The following MECR variants were observed in gnomAD, a reference collection of about 807,000 sequenced individuals.
MECR encodes the protein mitochondrial trans-2-enoyl-CoA reductase, also known as enoyl-[acyl-carrier-protein] reductase, mitochondrial.
A neutral mutation model predicts 49.1 loss-of-function variants in MECR; 37 were observed. The observed-to-expected ratio is 0.75, with a 90% CI of 0.58 to 0.99. MECR has a LOEUF of 0.99. Among genes scored for constraint, MECR ranks in the 50% least tolerant of loss-of-function variants. The pLI is 0.00. For missense variants in MECR, 470 were observed against 479.6 expected, an observed-to-expected ratio of 0.98 and a Z score of 0.19; for synonymous variants, 198 against 191.1, an observed-to-expected ratio of 1.04 and a Z score of -0.30.
At chr1:29,178,376 C>T in the MECR span, among the ~76,000 whole-genome samples, 6 of 63,716 alleles carry the variant, frequency 9.4e-5, no homozygotes, top group Admixed American at 3.3e-4. Context: ...GACAGAGTCT[C>T]GCTGTCGCCC....
At chr1:29,186,990 C>A in the MECR span, among the ~76,000 whole-genome samples, 2 of 152,184 alleles carry the variant, frequency 1.3e-5, no homozygotes, top group Non-Finnish European at 2.9e-5. Flanking sequence ...TTCCACTTAC[C>A]TTTCAGCTAG....
At chr1:29,207,801 C>T (rs6690526) in intron 3 of MECR, among the ~76,000 whole-genome samples, 17,463 of 151,972 alleles carry the variant, frequency 0.11, 1,363 homozygotes, top group East Asian at 0.41. Flanking sequence ...ATTGTAAGGG[C>T]GATTCAGAGA....
At chr1:29,176,037 G>C in the MECR span, among the ~76,000 whole-genome samples, 1 of 152,124 alleles carries the variant, frequency 6.6e-6, no homozygotes, top group Non-Finnish European at 1.5e-5. Flanking sequence ...TGGATCATGA[G>C]GTCAGGAGAT....
At chr1:29,195,798 T>C in intron 9 of MECR, 143 bp downstream of exon 9, 1 of 821,598 alleles carries the variant, frequency 1.2e-6, no homozygotes, top group Non-Finnish European at 2.0e-6. Context: ...TGACTGTAGC[T>C]GGACTAAGGC....
chr1:29,174,913 C>T, the MECR span, among the ~76,000 whole-genome samples: 2 of 150,796 alleles, frequency 1.3e-5, no homozygotes, highest in African/African-American at 4.9e-5. Flanking sequence ...ACCTTGTGAT[C>T]TGCCAGCCTT....
chr1:29,168,028 T>A, the MECR span, among the ~76,000 whole-genome samples: 27 of 135,424 alleles, frequency 2.0e-4, no homozygotes, highest in African/African-American at 5.1e-4. Flanking sequence ...TTTTTTTTTT[T>A]TAAAAAAAAC....
the MECR span, among the ~76,000 whole-genome samples, chr1:29,183,924 G>A: frequency 6.8e-6 from 1 of 147,046 alleles, no homozygotes; most frequent in Non-Finnish European, 1.5e-5. Context: ...CTGTCGCCCA[G>A]GCTGCAGTGC....
At chr1:29,185,166 C>G in the MECR span, among the ~76,000 whole-genome samples, 1 of 152,198 alleles carries the variant, frequency 6.6e-6, no homozygotes, top group Non-Finnish European at 1.5e-5. Flanking sequence ...AAGCAATCCT[C>G]CCTTCTGGAC....
intron 3 of MECR, among the ~76,000 whole-genome samples, chr1:29,209,147 C>T (rs1677325183): frequency 6.6e-6 from 1 of 152,210 alleles, no homozygotes; most frequent in Non-Finnish European, 1.5e-5. Context: ...CCATGAGTTC[C>T]ACTGTGAATT....
intron 3 of MECR, among the ~76,000 whole-genome samples, chr1:29,215,743 C>T (rs1259175695): frequency 6.6e-6 from 1 of 151,672 alleles, no homozygotes; most frequent in Non-Finnish European, 1.5e-5. Flanking sequence ...TGGTGGTAGG[C>T]GCCTGTAATC....
the MECR span, chr1:29,169,350 G>C: frequency 6.6e-6 from 1 of 152,226 alleles, no homozygotes; most frequent in African/African-American, 2.4e-5. Flanking sequence ...CAGAGTTGGA[G>C]AAACACAAGC....
chr1:29,230,817 G>C lies in MECR; in HGVS notation c.90C>G (p.Ala30=), dbSNP rs776706471. The C allele has an allele frequency of 6.2e-7, 1 of 1,608,358 alleles. No individual in the cohort carries two copies. The highest frequency in any genetic ancestry group is 8.5e-7 in the Non-Finnish European group (1 of 1,178,548). ...LLPASGCHGP[A]ASSYSASAEP... ...CGGCGGATGCGGAGTAGGAGGAGGC[G>C]GCAGGTCCGTGACAGCCAGAAGCTG... is the stretch of plus-strand genomic sequence containing the variant. The change falls in exon 1 of 10, where the codon GCC becomes GCG. Residue 30 remains alanine, a synonymous_variant. Coordinates refer to ENST00000263702, the MANE Select transcript of MECR (RefSeq NM_016011.5).
chr1:29,173,455 T>G, the MECR span: 3 of 129,570 alleles, frequency 2.3e-5, no homozygotes, highest in African/African-American at 8.7e-5. Context: ...AAAAAGTTGT[T>G]TTTTTTTTTT....
chr1:29,220,315 T>C (rs1055240905), intron 1 of MECR, among the ~76,000 whole-genome samples: 1 of 151,700 alleles, frequency 6.6e-6, no homozygotes, highest in African/African-American at 2.4e-5. Flanking sequence ...GCAGGAGAAC[T>C]GCTTGAACCT....
At chr1:29,171,037 A>T in the MECR span, 2 of 152,154 alleles carry the variant, frequency 1.3e-5, no homozygotes, top group African/African-American at 4.8e-5. Flanking sequence ...TTCAGAGCAT[A>T]ATCTAATCCC....
intron 1 of MECR, chr1:29,220,900 G>T: frequency 6.1e-6 from 6 of 985,216 alleles, no homozygotes; most frequent in Non-Finnish European, 7.2e-6. Context: ...GAAACCTCTG[G>T]AACAATTCCC....
chr1:29,220,302 G>A (rs1680469923), intron 1 of MECR, among the ~76,000 whole-genome samples: 1 of 152,060 alleles, frequency 6.6e-6, no homozygotes. Flanking sequence ...CTGGGAGGCT[G>A]AGGCAGGAGA....
chr1:29,186,535 G>A, the MECR span, among the ~76,000 whole-genome samples: 2 of 152,128 alleles, frequency 1.3e-5, no homozygotes, highest in Non-Finnish European at 2.9e-5. Context: ...TCTATCCCTA[G>A]CCCCTAACAA....
the MECR span, among the ~76,000 whole-genome samples, chr1:29,180,316 T>C: frequency 6.6e-6 from 1 of 152,220 alleles, no homozygotes; most frequent in African/African-American, 2.4e-5. Flanking sequence ...GCCACTTCAA[T>C]ATATCCTTAA....
Sources: gnomAD v4.1 joint callset for allele counts (sites outside exome capture counted in the v4.1 genomes callset) on GRCh38, gnomAD v4.1.1 for gene constraint, MANE v1.5 for transcripts, NCBI Gene and HGNC (gene_info 2026-07-23, HGNC 2026-07-21) for gene names.